EXOC6B: variants seen among roughly 807,000 people sequenced by gnomAD.
EXOC6B encodes the protein SEC15 homolog B.
EXOC6B carries 54 observed loss-of-function variants against 113.5 expected under a neutral mutation model. The observed-to-expected ratio is 0.48, with a 90% CI of 0.38 to 0.60. The LOEUF is 0.60. EXOC6B is among the 20% of genes least tolerant of loss of function. The pLI, the probability that EXOC6B is intolerant of heterozygous loss-of-function variation, is 0.00. For synonymous variants in EXOC6B, 357 were observed against 339.0 expected, an observed-to-expected ratio of 1.05 and a Z score of -0.58; for missense variants, 797 against 977.5, an observed-to-expected ratio of 0.82 and a Z score of 2.46.
At position 72,655,711 on chromosome 2, in the gene EXOC6B, A is replaced by C. The variant is rs1210521413; in HGVS notation, c.669+62392T>G. 2.0e-5 allele frequency among the ~76,000 whole-genome samples: 3 copies of C among 152,136 alleles called. No individual in the cohort carries two copies. In the East Asian group the frequency reaches 5.8e-4, roughly 29 times the overall value. Reference sequence around the variant, plus strand: ...AGCACTAAAATATTTAATTTAAAAAATTCAAAATAATTATTGAAAACATGA... The same window carrying C: ...AGCACTAAAATATTTAATTTAAAAACTTCAAAATAATTATTGAAAACATGA... On this transcript the variant is annotated intron_variant, in intron 6 of 21. Coordinates refer to ENST00000272427, the MANE Select transcript of EXOC6B (RefSeq NM_015189.3).
chr2:72,617,955 G>A (rs1036721890), intron 6 of EXOC6B, among the ~76,000 whole-genome samples: 3 of 152,096 alleles, frequency 2.0e-5, no homozygotes, highest in Non-Finnish European at 4.4e-5. Flanking sequence ...GTCTATGATT[G>A]CCTCTTAGTT....
At chr2:72,187,576 A>G (rs1678520231) in intron 20 of EXOC6B, among the ~76,000 whole-genome samples, 1 of 152,094 alleles carries the variant, frequency 6.6e-6, no homozygotes, top group East Asian at 1.9e-4. Flanking sequence ...CTCTGCAGGC[A>G]GGTTGTCTCG....
chr2:72,557,987 T>A (rs1002963680), intron 8 of EXOC6B, among the ~76,000 whole-genome samples: 1 of 151,910 alleles, frequency 6.6e-6, no homozygotes, highest in Non-Finnish European at 1.5e-5. Context: ...AATTTCTAAA[T>A]GAGTATATGT....
At chr2:72,537,885 A>G (rs1558773978) in intron 8 of EXOC6B, among the ~76,000 whole-genome samples, 1 of 152,172 alleles carries the variant, frequency 6.6e-6, no homozygotes, top group Admixed American at 6.5e-5. Flanking sequence ...ATCAAAATTC[A>G]AAGAAGATTA....
At chr2:72,296,052 C>G (rs1686117260) in intron 20 of EXOC6B, among the ~76,000 whole-genome samples, 1 of 151,816 alleles carries the variant, frequency 6.6e-6, no homozygotes, top group Admixed American at 6.6e-5. Flanking sequence ...TCCAAGGATA[C>G]CCAGCAAGTG....
intron 18 of EXOC6B, among the ~76,000 whole-genome samples, chr2:72,402,469 ACTAT>A (rs10554839): frequency 0.21 from 31,676 of 151,944 alleles, 6,212 homozygotes; most frequent in African/African-American, 0.52. Context: ...GCCTTCAGTT[ACTAT>A]CTACTTTCCT....
At chr2:72,199,113 G>C (rs1679339447) in intron 20 of EXOC6B, among the ~76,000 whole-genome samples, 1 of 152,204 alleles carries the variant, frequency 6.6e-6, no homozygotes, top group African/African-American at 2.4e-5. Context: ...CGAAAGAACA[G>C]AGTCCCACCC....
At chr2:72,764,899 G>A (rs1294570798) in intron 1 of EXOC6B, among the ~76,000 whole-genome samples, 3 of 152,028 alleles carry the variant, frequency 2.0e-5, no homozygotes, top group Admixed American at 6.6e-5. Flanking sequence ...CTTCCTGGCT[G>A]GAATCCCTTT....
intron 8 of EXOC6B, among the ~76,000 whole-genome samples, chr2:72,540,722 C>T (rs1028791368): frequency 5.9e-5 from 9 of 152,156 alleles, no homozygotes; most frequent in African/African-American, 2.2e-4. Flanking sequence ...CAAACCCATT[C>T]CATTACCCGT....
At chr2:72,215,340 G>A (rs1384052539) in intron 20 of EXOC6B, among the ~76,000 whole-genome samples, 1 of 152,076 alleles carries the variant, frequency 6.6e-6, no homozygotes, top group African/African-American at 2.4e-5. Flanking sequence ...TCACTCTAGC[G>A]TCACCCAGTA....
Position 72,811,756 on chromosome 2 carries a change from A to T in EXOC6B, c.113+14042T>A, listed in dbSNP as rs186186511. 3.9e-5 allele frequency among the ~76,000 whole-genome samples: 6 copies of T among 152,348 alleles called. No individual in the cohort carries two copies. The East Asian group carries it at 9.6e-4, about 24-fold the overall frequency. On this transcript the variant is annotated intron_variant, in intron 1 of 21. Transcript: ENST00000272427. ...GGTTTATTCCAAAGAGGCAAGGTTC[A>T]TTCAATGTTCAAAACAGATTTCACC...
intron 8 of EXOC6B, among the ~76,000 whole-genome samples, chr2:72,543,140 T>G (rs1573360595): frequency 6.6e-6 from 1 of 152,092 alleles, no homozygotes; most frequent in Non-Finnish European, 1.5e-5. Context: ...TGGAGTATGG[T>G]GTATCTGGCG....
chr2:72,518,703 A>G (rs973018244), intron 8 of EXOC6B, among the ~76,000 whole-genome samples: 5 of 152,204 alleles, frequency 3.3e-5, no homozygotes, highest in Non-Finnish European at 7.4e-5. Flanking sequence ...GAAGTTCTCC[A>G]TGGCTGGAAC....
intron 6 of EXOC6B, among the ~76,000 whole-genome samples, chr2:72,684,120 C>T (rs542019451): frequency 7.2e-5 from 11 of 152,180 alleles, no homozygotes; most frequent in South Asian, 4.1e-4. Flanking sequence ...TCAGTACAGA[C>T]GGGGTTTCAC....
chr2:72,555,698 G>T (rs1219372933), intron 8 of EXOC6B, among the ~76,000 whole-genome samples: 1 of 152,196 alleles, frequency 6.6e-6, no homozygotes, highest in Non-Finnish European at 1.5e-5. Flanking sequence ...CCAGGCTGGA[G>T]TGCAGTAGCA....
rs565111850 is a variant in EXOC6B, at chr2:72,526,841, A to AT, written c.916-11716dup. 7.2e-5 allele frequency among the ~76,000 whole-genome samples: 11 copies of AT among 152,110 alleles called. No individual in the cohort carries two copies. In the East Asian group the frequency reaches 1.7e-3, roughly 24 times the overall value. On this transcript the variant is annotated intron_variant, in intron 8 of 21. Transcript: ENST00000272427. ...TGCTTCATCAGCAATTTTTATTCAG[A>AT]TTTTTCATTATAATTAATTATAGAT...
At chr2:72,298,527 TATG>T (rs1686294709) in intron 20 of EXOC6B, among the ~76,000 whole-genome samples, 1 of 152,190 alleles carries the variant, frequency 6.6e-6, no homozygotes, top group Admixed American at 6.5e-5. Context: ...ATCCTGTCAT[TATG>T]ATGCCAGCTG....
chr2:72,640,283 T>C (rs1673133677), intron 6 of EXOC6B, among the ~76,000 whole-genome samples: 1 of 152,142 alleles, frequency 6.6e-6, no homozygotes, highest in African/African-American at 2.4e-5. Flanking sequence ...GCTTGAAGAT[T>C]GGCTTTCTGA....
At chr2:72,687,316 T>C (rs1015511297) in intron 6 of EXOC6B, among the ~76,000 whole-genome samples, 3 of 152,196 alleles carry the variant, frequency 2.0e-5, no homozygotes, top group Non-Finnish European at 4.4e-5. Context: ...CAACCTAACA[T>C]TTTGTTCAAT....
Sources: allele counts gnomAD v4.1 joint callset (sites outside exome capture counted in the v4.1 genomes callset), GRCh38; gene constraint gnomAD v4.1.1; transcripts MANE v1.5; gene names NCBI Gene and HGNC (gene_info 2026-07-23, HGNC 2026-07-21).